The following ROBO1 variants were observed in gnomAD, a reference collection of about 807,000 sequenced individuals.
ROBO1 encodes roundabout homolog 1.
ROBO1 carries 149 observed loss-of-function variants against 195.9 expected under a neutral mutation model. The ratio of observed to expected loss-of-function variants is 0.76; its 90% confidence interval spans 0.67 to 0.87. ROBO1 has a LOEUF of 0.87. Ranked by LOEUF, ROBO1 falls within the 40% of genes least tolerant of loss-of-function variation. ROBO1 has a pLI of 0.00. For synonymous variants in ROBO1, 816 were observed against 733.2 expected, an observed-to-expected ratio of 1.11 and a Z score of -1.82; for missense variants, 1,933 against 2,068.3, an observed-to-expected ratio of 0.93 and a Z score of 1.27.
intron 1 of ROBO1, among the ~76,000 whole-genome samples, chr3:79,739,427 C>T (rs2107409632): frequency 6.6e-6 from 1 of 152,226 alleles, no homozygotes; most frequent in East Asian, 1.9e-4. Context: ...CCAACTTTTC[C>T]TTATAAGTGG....
intron 2 of ROBO1, among the ~76,000 whole-genome samples, chr3:79,546,270 T>A (rs2107656560): frequency 6.6e-6 from 1 of 152,242 alleles, no homozygotes; most frequent in East Asian, 1.9e-4. Context: ...AGTTGACTGT[T>A]CACATGATCG....
At chr3:79,415,859 A>G (rs1235623973) in intron 2 of ROBO1, among the ~76,000 whole-genome samples, 1 of 152,128 alleles carries the variant, frequency 6.6e-6, no homozygotes, top group Non-Finnish European at 1.5e-5. Flanking sequence ...GGTGAATTAC[A>G]CATAGAAAGT....
Position 78,646,189 on chromosome 3 carries a change from T to TACTA in ROBO1, c.2840-3_2840dup (p.Thr948SerfsTer23). ...CAGCTTCGCCTCCTCTCTGGTAAGT[T>TACTA]ACTAGAATGTTACGAAAAAAAAAAG... On this transcript the variant is annotated frameshift_variant and splice_region_variant, in exon 21 of 31. Transcript: ENST00000464233. LOFTEE classifies it high-confidence loss of function. 6.2e-7 allele frequency: 1 copy of TACTA among 1,607,398 alleles called. No homozygotes were observed. Among genetic ancestry groups the TACTA allele is most frequent in the Non-Finnish European group, 8.5e-7 (1 of 1,175,508 alleles).
intron 1 of ROBO1, among the ~76,000 whole-genome samples, chr3:79,645,846 A>G (rs1440203786): frequency 6.6e-6 from 1 of 152,172 alleles, no homozygotes; most frequent in Non-Finnish European, 1.5e-5. Context: ...ATTTTGGACA[A>G]AGGTGCCAAG....
intron 4 of ROBO1, among the ~76,000 whole-genome samples, chr3:78,750,598 A>G (rs907218410): frequency 1.8e-4 from 28 of 152,164 alleles, no homozygotes; most frequent in Non-Finnish European, 4.0e-4. Context: ...AATTCTCAAA[A>G]TAAGTAAACA....
intron 2 of ROBO1, among the ~76,000 whole-genome samples, chr3:79,274,352 G>A (rs546257880): frequency 6.6e-6 from 1 of 151,740 alleles, no homozygotes; most frequent in East Asian, 1.9e-4. Context: ...CAGGAATTTT[G>A]GAAACTGAAA....
chr3:78,681,290 A>T (rs2080901073), intron 10 of ROBO1, among the ~76,000 whole-genome samples: 1 of 152,114 alleles, frequency 6.6e-6, no homozygotes, highest in Non-Finnish European at 1.5e-5. Context: ...ATATGTAACT[A>T]ACCTGCACAT....
intron 1 of ROBO1, among the ~76,000 whole-genome samples, chr3:79,604,551 C>T (rs751238315): frequency 6.6e-6 from 1 of 151,872 alleles, no homozygotes; most frequent in Non-Finnish European, 1.5e-5. Flanking sequence ...AGTAAATATA[C>T]GGTTACATAG....
rs145186389 is a variant in ROBO1 at position 79,496,387 on chromosome 3, C to CATTTTTTTTTT, written c.88+93436_88+93437insAAAAAAAAAAT. Among the ~76,000 whole-genome samples, 137 of 112,560 alleles carry CATTTTTTTTTT rather than the reference C, an allele frequency of 1.2e-3. 18 individuals are homozygous for CATTTTTTTTTT. Among genetic ancestry groups the CATTTTTTTTTT allele is most frequent in the Middle Eastern group, 8.6e-3 (2 of 232 alleles). The allele number at this position is 112,560 out of a possible 152,430, so 73.8% of individuals were successfully genotyped here. A position where few individuals can be genotyped will look rare whatever the true frequency, so the allele number is the denominator to read the frequency against. ...TTTTGGTATAATGCTGCGCACCCAT[C>CATTTTTTTTTT]TTTTTTTGAGACGGAGTCTCGCTCT... On this transcript the variant is annotated intron_variant, in intron 2 of 30. Transcript: ENST00000464233.
chr3:78,999,716 G>T (rs2077453872), intron 3 of ROBO1, among the ~76,000 whole-genome samples: 1 of 152,082 alleles, frequency 6.6e-6, no homozygotes, highest in Admixed American at 6.6e-5. Flanking sequence ...ACAAAAAAGA[G>T]AAAATCTTCA....
At chr3:78,916,899 G>A (rs1331644438) in intron 4 of ROBO1, among the ~76,000 whole-genome samples, 2 of 152,196 alleles carry the variant, frequency 1.3e-5, no homozygotes, top group South Asian at 2.1e-4. Flanking sequence ...TTCTTTGAAC[G>A]AGTGAGACCA....
intron 2 of ROBO1, among the ~76,000 whole-genome samples, chr3:79,246,557 G>C (rs546647522): frequency 1.3e-5 from 2 of 152,140 alleles, no homozygotes; most frequent in East Asian, 3.9e-4. Context: ...TACAATAGTT[G>C]AATATCCAAG....
intron 2 of ROBO1, among the ~76,000 whole-genome samples, chr3:79,310,660 G>A (rs538960716): frequency 6.6e-6 from 1 of 152,216 alleles, no homozygotes; most frequent in East Asian, 1.9e-4. Context: ...ATAGATGTTT[G>A]AGTTGATGTA....
intron 2 of ROBO1, among the ~76,000 whole-genome samples, chr3:79,418,209 G>A (rs1018632006): frequency 6.6e-6 from 1 of 152,126 alleles, no homozygotes; most frequent in Non-Finnish European, 1.5e-5. Context: ...GCACTGGTGT[G>A]TTTCTTTCTA....
chr3:79,617,984 GA>G (rs1944880825), intron 1 of ROBO1, among the ~76,000 whole-genome samples: 1 of 150,712 alleles, frequency 6.6e-6, no homozygotes, highest in Admixed American at 6.6e-5. Flanking sequence ...AAATGTAGTT[GA>G]AAGCTTAAAA....
intron 4 of ROBO1, among the ~76,000 whole-genome samples, chr3:78,755,671 A>G (rs555177782): frequency 7.2e-5 from 11 of 152,318 alleles, no homozygotes; most frequent in Admixed American, 2.6e-4. Context: ...GAAAGACATT[A>G]ATAATAACAC....
chr3:79,423,038 C>T (rs762366839), intron 2 of ROBO1, among the ~76,000 whole-genome samples: 47 of 152,040 alleles, frequency 3.1e-4, no homozygotes, highest in Non-Finnish European at 5.4e-4. Flanking sequence ...TCTGCTCAAA[C>T]GTCTGATATA....
chr3:79,269,052 T>C (rs1388598045), intron 2 of ROBO1, among the ~76,000 whole-genome samples: 1 of 151,670 alleles, frequency 6.6e-6, no homozygotes, highest in African/African-American at 2.4e-5. Context: ...TCAATAATAC[T>C]CTAGCCAGTC....
intron 28 of ROBO1, among the ~76,000 whole-genome samples, chr3:78,609,306 G>A (rs1394897704): frequency 6.6e-6 from 1 of 152,162 alleles, no homozygotes; most frequent in African/African-American, 2.4e-5. Context: ...CTATGCAGAG[G>A]TAATGGGCTT....
Sources: gnomAD v4.1 joint callset for allele counts (sites outside exome capture counted in the v4.1 genomes callset) on GRCh38, gnomAD v4.1.1 for gene constraint, MANE v1.5 for transcripts, NCBI Gene and HGNC (gene_info 2026-07-23, HGNC 2026-07-21) for gene names.